The following HERC2 variants were observed in gnomAD, a reference collection of about 807,000 sequenced individuals.
HERC2 encodes the protein E3 ubiquitin-protein ligase HERC2.
HERC2 carries 102 observed loss-of-function variants against 537.7 expected under a neutral mutation model. The observed-to-expected ratio is 0.19, with a 90% CI of 0.16 to 0.22. HERC2 has a LOEUF of 0.22. Among genes scored for constraint, HERC2 ranks in the 10% least tolerant of loss-of-function variants. The pLI is 1.00. For synonymous variants in HERC2, 2,224 were observed against 2,466.2 expected (o/e 0.90, Z 2.91); for missense variants, 4,236 against 6,198.2 (o/e 0.68, Z 10.63).
intron 2 of HERC2, among the ~76,000 whole-genome samples, chr15:28,317,429 G>A (rs569170283): frequency 1.3e-5 from 2 of 152,220 alleles, no homozygotes; most frequent in Admixed American, 6.5e-5. Flanking sequence ...AACTCTAAGA[G>A]CTTACATTTA....
At chr15:28,311,005 A>T (rs1052898623) in intron 2 of HERC2, among the ~76,000 whole-genome samples, 36 of 123,572 alleles carry the variant, frequency 2.9e-4, no homozygotes, top group Admixed American at 4.4e-4. Flanking sequence ...TGAACCTGGG[A>T]GGCGGACGTT....
chr15:28,168,047 G>T (rs1450743977), intron 67 of HERC2, among the ~76,000 whole-genome samples: 2 of 152,132 alleles, frequency 1.3e-5, no homozygotes, highest in Non-Finnish European at 2.9e-5. Flanking sequence ...ATATTTTCAA[G>T]AATAACTATT....
chr15:28,198,212 G>A (rs779740160), intron 50 of HERC2, among the ~76,000 whole-genome samples, 166 bp downstream of exon 50: 16 of 152,168 alleles, frequency 1.1e-4, no homozygotes, highest in Non-Finnish European at 2.1e-4. Context: ...CACTGCAGGT[G>A]AGTTCCTCTG....
rs1902668194 is a variant in HERC2 at position 28,238,244 on chromosome 15, T to C, written c.3749-27A>G. The C allele has an allele frequency of 3.6e-6, 5 of 1,371,638 alleles. No homozygotes were observed. The East Asian group carries it at 9.1e-5, about 25-fold the overall frequency. 85.0% of individuals were successfully genotyped at this position (1,371,638 alleles called of 1,614,324 possible). On this transcript the variant is annotated intron_variant, in intron 24 of 92. Coordinates refer to ENST00000261609, the MANE Select transcript of HERC2 (RefSeq NM_004667.6). ...TGAAACAAAAAGGGAAAAAGCAACA[T>C]GAGTTCAATTCAGCTTGCCTGAAGA...
At chr15:28,228,584 A>C (rs1303238078) in intron 34 of HERC2, among the ~76,000 whole-genome samples, 175 bp from the exon 35 acceptor site, 2 of 152,160 alleles carry the variant, frequency 1.3e-5, no homozygotes, top group Non-Finnish European at 2.9e-5. Flanking sequence ...TACTCTAAAC[A>C]TCTGACTAAT....
chr15:28,232,756 A>C (rs1902015655), intron 30 of HERC2, among the ~76,000 whole-genome samples: 1 of 152,214 alleles, frequency 6.6e-6, no homozygotes, highest in Admixed American at 6.5e-5. Context: ...ATGTATCAGA[A>C]TACTCAATAT....
In HERC2 at chr15:28,175,441, A is replaced by G. The variant is rs116026942; in HGVS notation, c.9831+71T>C. The G allele has an allele frequency of 9.4e-4, 1,316 of 1,406,444 alleles. 6 individuals carry two copies. In the African/African-American group the frequency reaches 0.016, roughly 17 times the overall value. The allele number at this position is 1,406,444 out of a possible 1,614,324, so 87.1% of individuals were successfully genotyped here. ...AACAGCTGTGATTTCAACAGGACGA[A>G]GGCCGTGTCATGACCCCCACGTCCC... On this transcript the variant is annotated intron_variant, in intron 64 of 92. Coordinates refer to ENST00000261609, the MANE Select transcript of HERC2 (RefSeq NM_004667.6).
chr15:28,235,896 T>C (rs12912618), intron 26 of HERC2, among the ~76,000 whole-genome samples: 9 of 152,080 alleles, frequency 5.9e-5, no homozygotes, highest in East Asian at 5.8e-4. Flanking sequence ...TGCACAACTA[T>C]ATGAAAGAAA....
Position 28,113,186 on chromosome 15 carries a change from T to C in HERC2, c.14117A>G (p.Glu4706Gly), listed in dbSNP as rs1179689624. The C allele has an allele frequency of 6.2e-7, 1 of 1,613,968 alleles. No individual in the cohort carries two copies. Among genetic ancestry groups the C allele is most frequent in the African/African-American group, 1.3e-5 (1 of 74,908 alleles). The part of the protein sequence containing the change: ...PSASLIQWFW[E>G]VMESFSNTER... ...TGTGTTGGAGAAGGACTCCATCACC[T>C]CCCAGAACCACTGGATCAGCGATGC... Residue 4706 changes from glutamate to glycine, a missense_variant, in exon 92 of 93, where the codon GAG (glutamate) becomes GGG (glycine). Transcript: ENST00000261609. This position sits in a 1 kb window ranked among gnomAD's most constrained non-coding sequence, Gnocchi z 7.0.
At chr15:28,144,914 C>T in intron 71 of HERC2, 110 bp from the exon 72 acceptor site, 1 of 1,419,660 alleles carries the variant, frequency 7.0e-7, no homozygotes, top group Non-Finnish European at 9.7e-7. Context: ...AGAGCAAGTT[C>T]CTCCAATCCA....
chr15:28,319,147 G>A (rs528077459), intron 2 of HERC2, among the ~76,000 whole-genome samples: 1 of 152,212 alleles, frequency 6.6e-6, no homozygotes, highest in Admixed American at 6.5e-5. Flanking sequence ...TTCATTCCTT[G>A]TGTTTAACAA....
At chr15:28,194,823 A>G (rs1218006151) in intron 52 of HERC2, among the ~76,000 whole-genome samples, 1 of 152,094 alleles carries the variant, frequency 6.6e-6, no homozygotes, top group African/African-American at 2.4e-5. Context: ...TGGGAGACTG[A>G]GGTGGGTGGA....
chr15:28,210,399 G>C (rs950016732), intron 44 of HERC2, among the ~76,000 whole-genome samples: 11 of 152,166 alleles, frequency 7.2e-5, no homozygotes, highest in Non-Finnish European at 1.6e-4. Context: ...GCCTCCCAAA[G>C]TGCAGGGATT....
chr15:28,130,050 G>A, intron 83 of HERC2, 113 bp downstream of exon 83: 1 of 1,329,968 alleles, frequency 7.5e-7, no homozygotes, highest in Non-Finnish European at 1.0e-6. Context: ...TGGGGCAACA[G>A]GAGTGAGCCA....
intron 38 of HERC2, among the ~76,000 whole-genome samples, chr15:28,217,125 C>T (rs531750547): frequency 0.013 from 1,703 of 129,108 alleles, 21 homozygotes; most frequent in Non-Finnish European, 0.018. Context: ...CTGCCACCCA[C>T]TCATACTTCC....
intron 70 of HERC2, among the ~76,000 whole-genome samples, chr15:28,148,052 GAA>G (rs1010545207): frequency 7.6e-5 from 11 of 144,616 alleles, no homozygotes; most frequent in Non-Finnish European, 1.7e-4. Flanking sequence ...AAAAAAAAAA[GAA>G]AAGTGAGAAT....
intron 69 of HERC2, among the ~76,000 whole-genome samples, chr15:28,161,711 G>A (rs752850209): frequency 2.2e-4 from 33 of 152,116 alleles, no homozygotes; most frequent in Non-Finnish European, 4.1e-4. Context: ...AGATGGCTCC[G>A]GTCCAGAACA....
At chr15:28,171,050 G>A (rs1894644589) in intron 65 of HERC2, among the ~76,000 whole-genome samples, 1 of 152,182 alleles carries the variant, frequency 6.6e-6, no homozygotes, top group Non-Finnish European at 1.5e-5. Flanking sequence ...CAGCCATTCT[G>A]GAAAACGGCT....
At chr15:28,286,249 TAAG>T (rs1453921458) in intron 4 of HERC2, among the ~76,000 whole-genome samples, 5 of 151,986 alleles carry the variant, frequency 3.3e-5, no homozygotes, top group Non-Finnish European at 5.9e-5. Flanking sequence ...AAGCTAATAT[TAAG>T]AAGCTAATAT....
Sources: gnomAD v4.1 joint callset for allele counts (sites outside exome capture counted in the v4.1 genomes callset) on GRCh38, gnomAD v4.1.1 for gene constraint, Gnocchi (gnomAD v3.1) non-coding constraint, MANE v1.5 for transcripts, NCBI Gene and HGNC (gene_info 2026-07-23, HGNC 2026-07-21) for gene names.